The following PRRC2C variants were observed in gnomAD, a reference collection of about 807,000 sequenced individuals.
PRRC2C encodes proline rich coiled-coil 2C, also known as protein PRRC2C.
Under a neutral mutation model 317.2 loss-of-function variants are expected in PRRC2C, and 72 were observed. The ratio of observed to expected loss-of-function variants is 0.23; its 90% confidence interval spans 0.19 to 0.28. The LOEUF (loss-of-function observed/expected upper bound fraction) is 0.28. Among genes scored for constraint, PRRC2C ranks in the 10% least tolerant of loss-of-function variants. The pLI is 1.00. For missense variants in PRRC2C, 3,074 were observed against 3,459.7 expected (o/e 0.89, Z 2.80); for synonymous variants, 1,296 against 1,205.9 (o/e 1.07, Z -1.55).
chr1:171,533,029 G>T, intron 12 of PRRC2C, 68 bp downstream of exon 12: 1 of 1,401,474 alleles, frequency 7.1e-7, no homozygotes, highest in South Asian at 1.6e-5. Flanking sequence ...ACAGTTTGGG[G>T]TTTGTATATT....
chr1:171,589,894 ATTTG>A (rs1264894092), intron 34 of PRRC2C, among the ~76,000 whole-genome samples: 5 of 151,148 alleles, frequency 3.3e-5, no homozygotes, highest in African/African-American at 1.2e-4. Flanking sequence ...TCAAATAAAT[ATTTG>A]AGGGAGATCT....
At chr1:171,539,888 T>A in intron 15 of PRRC2C, 83 bp from the exon 16 acceptor site, 1 of 1,171,810 alleles carries the variant, frequency 8.5e-7, no homozygotes, top group South Asian at 1.5e-5. Context: ...TTGCTTTCTG[T>A]TTTAGAGGGA....
At position 171,529,811 on chromosome 1, in the gene PRRC2C, CCACATA is replaced by C. The variant is rs200120444; in HGVS notation, c.1254+1973_1254+1978del. ...TTTCTAATTTCATCTGCTGTTCTTA[CCACATA>C]CACATTGCTCTTCTTGACTTTTTTA... On this transcript the variant is annotated intron_variant, in intron 11 of 34. Transcript: ENST00000647382. Among the ~76,000 whole-genome samples, 587 of 152,322 alleles carry C rather than the reference CCACATA, an allele frequency of 3.9e-3. 3 individuals carry two copies. Among genetic ancestry groups the C allele is most frequent in the African/African-American group, 0.013 (536 of 41,562 alleles).
intron 20 of PRRC2C, among the ~76,000 whole-genome samples, chr1:171,561,596 C>G (rs949611673): frequency 2.0e-5 from 3 of 152,174 alleles, no homozygotes; most frequent in Non-Finnish European, 4.4e-5. Flanking sequence ...CCAAGTGATA[C>G]TCTTGCTGCT....
At chr1:171,515,681 T>C in intron 4 of PRRC2C, 53 bp from the exon 5 acceptor site, 1 of 1,412,322 alleles carries the variant, frequency 7.1e-7, no homozygotes, top group East Asian at 2.5e-5. Context: ...GGGTGGTTTG[T>C]ATTATCTTCA....
chr1:171,494,833 TAAAAG>T (rs1667834673), intron 1 of PRRC2C, among the ~76,000 whole-genome samples: 1 of 149,244 alleles, frequency 6.7e-6, no homozygotes, highest in African/African-American at 2.4e-5. Flanking sequence ...TTGTATCCCC[TAAAAG>T]AAAACAAAGC....
chr1:171,488,290 T>C (rs895802263), intron 1 of PRRC2C, among the ~76,000 whole-genome samples: 7 of 152,236 alleles, frequency 4.6e-5, no homozygotes, highest in Admixed American at 3.3e-4. Context: ...CACACTTTCA[T>C]TTCGGTAAAT....
intron 1 of PRRC2C, among the ~76,000 whole-genome samples, chr1:171,491,243 T>C (rs1199324435): frequency 6.6e-6 from 1 of 152,138 alleles, no homozygotes; most frequent in Non-Finnish European, 1.5e-5. Context: ...TCTAGATAAG[T>C]TAATAATTCA....
intron 19 of PRRC2C, among the ~76,000 whole-genome samples, chr1:171,558,843 C>T (rs1681986219): frequency 6.6e-6 from 1 of 152,172 alleles, no homozygotes; most frequent in Admixed American, 6.5e-5. Flanking sequence ...CTGGGAACGA[C>T]TAAGCTTATT....
rs151166011 is a variant in PRRC2C, at chr1:171,506,367, A to G, written c.-57-5665A>G. ...GCAACATTTTCTCTTGTTACTTTTA[A>G]GATTTTCTCTTTATCATTGGTTTTA... On this transcript the variant is annotated intron_variant, in intron 1 of 34. Transcript: ENST00000647382. Among the ~76,000 whole-genome samples the G allele has an allele frequency of 2.2e-3, 337 of 152,206 alleles. 1 individual carries two copies. Among genetic ancestry groups the G allele is most frequent in the African/African-American group, 7.9e-3 (326 of 41,528 alleles).
intron 15 of PRRC2C, among the ~76,000 whole-genome samples, chr1:171,537,975 A>C (rs979648463): frequency 1.3e-5 from 2 of 151,994 alleles, no homozygotes; most frequent in African/African-American, 4.8e-5. Flanking sequence ...ATCTCAGCTC[A>C]CTGCAAGCTC....
chr1:171,543,781 T>C (rs917126188), intron 16 of PRRC2C, among the ~76,000 whole-genome samples: 1 of 152,160 alleles, frequency 6.6e-6, no homozygotes, highest in Admixed American at 6.5e-5. Flanking sequence ...AGAAAAGAAA[T>C]GTATTTCTTG....
chr1:171,555,845 C>T (rs1461607945), intron 18 of PRRC2C, among the ~76,000 whole-genome samples: 2 of 152,012 alleles, frequency 1.3e-5, no homozygotes, highest in Non-Finnish European at 2.9e-5. Context: ...CCTCTGGAAG[C>T]CTCGGTCTCC....
intron 1 of PRRC2C, 125 bp from the exon 2 acceptor site, chr1:171,511,907 G>T: frequency 2.1e-6 from 1 of 465,386 alleles, no homozygotes; most frequent in Non-Finnish European, 4.0e-6. Flanking sequence ...TTGGTTATTG[G>T]AATTTGACAG....
chr1:171,500,254 A>G (rs934557131), intron 1 of PRRC2C, among the ~76,000 whole-genome samples: 9 of 152,184 alleles, frequency 5.9e-5, no homozygotes, highest in African/African-American at 2.2e-4. Flanking sequence ...AATTTTCAGT[A>G]TTGCTTAAAA....
At chr1:171,550,017 T>A in intron 17 of PRRC2C, 69 bp from the exon 18 acceptor site, 1 of 1,293,816 alleles carries the variant, frequency 7.7e-7, no homozygotes, top group Non-Finnish European at 1.0e-6. Context: ...AGTACTACTG[T>A]ACTAAACATT....
At chr1:171,583,840 TA>T in intron 28 of PRRC2C, 115 bp from the exon 29 acceptor site, 3 of 842,904 alleles carry the variant, frequency 3.6e-6, no homozygotes, top group Non-Finnish European at 5.5e-6. Context: ...TGTTGTTGAC[TA>T]AAATGTCATG....
chr1:171,569,273 G>GTTTT lies in PRRC2C; in HGVS notation c.6651+934_6651+935insTTTT, dbSNP rs1558023373. On this transcript the variant is annotated intron_variant, in intron 23 of 34. Coordinates refer to ENST00000647382, the MANE Select transcript of PRRC2C (RefSeq NM_001387844.1). ...AATATTTAAAGGTCTGTCACAAAGA[G>GTTTT]CTTTAACTATCATTTTGAGTTATAA... is the stretch of plus-strand genomic sequence containing the variant. Among the ~76,000 whole-genome samples, 7 of 151,160 alleles carry GTTTT rather than the reference G, an allele frequency of 4.6e-5. No individual in the cohort carries two copies. In the South Asian group the frequency reaches 1.0e-3, roughly 22 times the overall value.
chr1:171,557,659 T>G lies in PRRC2C; in HGVS notation c.5547T>G (p.Val1849=). 6.4e-7 allele frequency: 1 copy of G among 1,551,108 alleles called. No homozygotes were observed. Residue 1849 remains valine (V), a synonymous_variant, in exon 19 of 35, where the codon GTT becomes GTG. Transcript: ENST00000647382. ...APAPTPILAS[V]STPASVTILA... ...CTCCAACCCCCATCCTTGCCTCAGT[T>G]TCAACCCCAGCTTCTGTCACCATTC...
Sources: allele counts gnomAD v4.1 joint callset (sites outside exome capture counted in the v4.1 genomes callset), GRCh38; gene constraint gnomAD v4.1.1; transcripts MANE v1.5; gene names NCBI Gene and HGNC (gene_info 2026-07-23, HGNC 2026-07-21).